The following TRMU variants were observed in gnomAD, a reference collection of about 807,000 sequenced individuals.
The protein encoded by TRMU is tRNA mitochondrial 2-thiouridylase, also known as mitochondrial tRNA-specific 2-thiouridylase 1.
In TRMU, 49 loss-of-function variants were observed where a neutral mutation model predicts 46.9. The ratio of observed to expected loss-of-function variants is 1.05; its 90% CI spans 0.83 to 1.33. TRMU has a LOEUF of 1.33. TRMU is among the 40% of genes most tolerant of loss of function. The pLI is 0.00. For synonymous variants in TRMU, 241 were observed against 200.9 expected, an observed-to-expected ratio of 1.20 and a Z score of -1.69; for missense variants, 572 against 532.4, an observed-to-expected ratio of 1.07 and a Z score of -0.73.
chr22:46,355,917 C>T (rs1344633188), intron 9 of TRMU, 73 bp from the exon 10 acceptor site: 1 of 1,566,276 alleles, frequency 6.4e-7, no homozygotes, highest in Non-Finnish European at 8.8e-7. Flanking sequence ...GCTGGTGCTC[C>T]TTTCTCCCTG....
At position 46,338,427 on chromosome 22, in the gene TRMU, A is replaced by G. The variant is rs530650614; in HGVS notation, c.248+483A>G. Among the ~76,000 whole-genome samples, 5 of 152,396 alleles carry G rather than the reference A, an allele frequency of 3.3e-5. No homozygotes were observed. Among genetic ancestry groups the G allele is most frequent in the South Asian group, 2.1e-4 (1 of 4,834 alleles). ...GTGCTGTGTGCTAGGCGTGTGCCAC[A>G]TCTAGGAACATTAAGATGTCTTCAC... On this transcript the variant is annotated intron_variant, in intron 2 of 10. Coordinates refer to ENST00000645190, the MANE Select transcript of TRMU (RefSeq NM_018006.5). This position sits in a 1 kb window ranked among gnomAD's most constrained non-coding sequence, Gnocchi z 4.5.
chr22:46,335,941 C>T, intron 1 of TRMU, 95 bp downstream of exon 1: 5 of 1,495,362 alleles, frequency 3.3e-6, no homozygotes, highest in Non-Finnish European at 4.4e-6. Flanking sequence ...TCCTCCCTCC[C>T]TGGGCCGCTG....
In TRMU at chr22:46,342,331, G is replaced by A. The variant is rs2078143100; in HGVS notation, c.249-931G>A. 6.6e-6 allele frequency among the ~76,000 whole-genome samples: 1 copy of A among 152,208 alleles called. No homozygotes were observed. On this transcript the variant is annotated intron_variant, in intron 2 of 10. Transcript: ENST00000645190. The surrounding 1 kb of genome is among the most constrained non-coding windows in gnomAD (Gnocchi z 4.7). Reference sequence around the variant, plus strand: ...GGATGTTGCAAAGGATACAGATGAAGAGACGGGTTGGGTGAGGTATGGGGA... The same window carrying A: ...GGATGTTGCAAAGGATACAGATGAAAAGACGGGTTGGGTGAGGTATGGGGA...
In TRMU at chr22:46,352,347, G is replaced by A; in HGVS notation, c.772+17G>A. The A allele has an allele frequency of 6.2e-7, 1 of 1,613,774 alleles. No homozygotes were observed. The highest frequency in any genetic ancestry group is 2.2e-5 in the East Asian group (1 of 44,880). ...CACATAAAGGTGAGGTGCAGACTCT[G>A]CCACTTGTCATCTGAAATGCCTAGA... On this transcript the variant is annotated intron_variant, in intron 7 of 10. Transcript: ENST00000645190.
rs535372995 is a variant in TRMU, at chr22:46,348,199, A to C, written c.478+1655A>C. Among the ~76,000 whole-genome samples the C allele has an allele frequency of 3.7e-4, 56 of 152,258 alleles. 1 individual carries two copies. Among genetic ancestry groups the C allele is most frequent in the African/African-American group, 1.3e-3 (54 of 41,566 alleles). Reference sequence around the variant, plus strand: ...CGGGGCCTGAGGAGATGGAGGGTTAATTTCCATGTTGAATAGATGCGCCTG... The same window carrying C: ...CGGGGCCTGAGGAGATGGAGGGTTACTTTCCATGTTGAATAGATGCGCCTG... On this transcript the variant is annotated intron_variant, in intron 4 of 10. Coordinates refer to ENST00000645190, the MANE Select transcript of TRMU (RefSeq NM_018006.5). This position sits in a 1 kb window ranked among gnomAD's most constrained non-coding sequence, Gnocchi z 4.8.
At chr22:46,345,330 C>T (rs779405179) in intron 3 of TRMU, among the ~76,000 whole-genome samples, 1 of 152,160 alleles carries the variant, frequency 6.6e-6, no homozygotes, top group African/African-American at 2.4e-5. Context: ...ACATCGGCCT[C>T]CTAAAAGTGC....
chr22:46,355,860 C>A, intron 9 of TRMU, 130 bp from the exon 10 acceptor site: 3 of 1,133,296 alleles, frequency 2.6e-6, no homozygotes, highest in Non-Finnish European at 3.8e-6. Flanking sequence ...AGGGCCCAGG[C>A]TGGTGCCCTG....
intron 2 of TRMU, among the ~76,000 whole-genome samples, chr22:46,341,205 C>G (rs12159490): frequency 0.058 from 8,824 of 152,262 alleles, 854 homozygotes; most frequent in African/African-American, 0.2. Context: ...CTGCTGTTTA[C>G]GAAAGGGTTA....
chr22:46,343,185 A>C (rs571192389), intron 2 of TRMU, 77 bp from the exon 3 acceptor site: 6 of 1,044,446 alleles, frequency 5.7e-6, no homozygotes, highest in South Asian at 5.6e-5. Flanking sequence ...ACATTAAACA[A>C]GCAATTTAGT....
intron 3 of TRMU, among the ~76,000 whole-genome samples, chr22:46,345,565 T>C (rs2078231062): frequency 6.6e-6 from 1 of 152,148 alleles, no homozygotes; most frequent in Non-Finnish European, 1.5e-5. Context: ...ACTCTCAGAA[T>C]CAAAGGAATA....
Position 46,342,447 on chromosome 22 carries a change from C to T in TRMU, c.249-815C>T, listed in dbSNP as rs948631563. ...GTGCAGAAGCTCTCTGAACCCAGTA[C>T]TCCTGGGTTTTTATGGAGGCTTCAT... On this transcript the variant is annotated intron_variant, in intron 2 of 10. Transcript: ENST00000645190. This position sits in a 1 kb window ranked among gnomAD's most constrained non-coding sequence, Gnocchi z 4.7. Among the ~76,000 whole-genome samples, 1 of 152,190 alleles carries T rather than the reference C, an allele frequency of 6.6e-6. No homozygotes were observed. Among genetic ancestry groups the T allele is most frequent in the Non-Finnish European group, 1.5e-5 (1 of 68,042 alleles).
chr22:46,338,972 C>A lies in TRMU; in HGVS notation c.248+1028C>A, dbSNP rs2078050998. 6.6e-6 allele frequency among the ~76,000 whole-genome samples: 1 copy of A among 152,058 alleles called. No individual in the cohort carries two copies. Among genetic ancestry groups the A allele is most frequent in the Admixed American group, 6.5e-5 (1 of 15,268 alleles). On this transcript the variant is annotated intron_variant, in intron 2 of 10. Coordinates refer to ENST00000645190, the MANE Select transcript of TRMU (RefSeq NM_018006.5). The surrounding 1 kb of genome is among the most constrained non-coding windows in gnomAD (Gnocchi z 4.5). ...TTTGTTTTTTTAATTGAAAAAAATT[C>A]TCTTTTTTTCCTGCCAACAAAGACC...
chr22:46,345,541 A>G (rs1297930084), intron 3 of TRMU, among the ~76,000 whole-genome samples: 1 of 152,180 alleles, frequency 6.6e-6, no homozygotes, highest in East Asian at 1.9e-4. Context: ...AGGAGAAACG[A>G]CACCTATAAT....
chr22:46,355,911 G>T (rs990319065), intron 9 of TRMU, 79 bp from the exon 10 acceptor site: 1 of 1,532,512 alleles, frequency 6.5e-7, no homozygotes, highest in South Asian at 1.1e-5. Flanking sequence ...CCGTGGGCTG[G>T]TGCTCCTTTC....
chr22:46,343,177 A>G (rs2078166450), intron 2 of TRMU, 85 bp from the exon 3 acceptor site: 1 of 981,234 alleles, frequency 1.0e-6, no homozygotes, highest in South Asian at 1.4e-5. Flanking sequence ...GGGAAATTAC[A>G]TTAAACAAGC....
In TRMU at chr22:46,347,019, G is replaced by A. The variant is rs984199578; in HGVS notation, c.478+475G>A. 3.3e-5 allele frequency among the ~76,000 whole-genome samples: 5 copies of A among 152,246 alleles called. No individual in the cohort carries two copies. The highest frequency in any genetic ancestry group is 6.5e-5 in the Admixed American group (1 of 15,292). Reference sequence around the variant, plus strand: ...TCAGGCTTTGTAGCCGTATTTACACGTTAGTTTATGCGTGTTAGGGAGCCA... The same window carrying A: ...TCAGGCTTTGTAGCCGTATTTACACATTAGTTTATGCGTGTTAGGGAGCCA... On this transcript the variant is annotated intron_variant, in intron 4 of 10. Transcript: ENST00000645190. The surrounding 1 kb of genome is among the most constrained non-coding windows in gnomAD (Gnocchi z 5.0).
At chr22:46,343,503 A>C (rs2078177100) in intron 3 of TRMU, 135 bp downstream of exon 3, 2 of 702,786 alleles carry the variant, frequency 2.8e-6, no homozygotes, top group Admixed American at 4.7e-5. Flanking sequence ...CTCCCACCCC[A>C]GGCTCCTGAG....
At position 46,336,449 on chromosome 22, in the gene TRMU, A is replaced by G. The variant is rs2077980668; in HGVS notation, c.82+603A>G. The G allele has an allele frequency of 6.6e-6, 1 of 152,384 alleles. No homozygotes were observed. Among genetic ancestry groups the G allele is most frequent in the African/African-American group, 2.4e-5 (1 of 41,430 alleles). The allele number at this position is 152,384 out of a possible 1,614,324, so 9.4% of individuals were successfully genotyped here. A position where few individuals can be genotyped will look rare whatever the true frequency, so the allele number is the denominator to read the frequency against. On this transcript the variant is annotated intron_variant, in intron 1 of 10. Coordinates refer to ENST00000645190, the MANE Select transcript of TRMU (RefSeq NM_018006.5). This position sits in a 1 kb window ranked among gnomAD's most constrained non-coding sequence, Gnocchi z 4.1. ...ATTCCTCGGGCCCGGCGCTGAAATG[A>G]GCACTTGTTTAACTTCACCTGTGTG... is the stretch of plus-strand genomic sequence containing the variant.
rs1031379583 is a variant in TRMU, at chr22:46,351,584, G to A, written c.652-537G>A. 1.5e-5 allele frequency: 3 copies of A among 195,654 alleles called. No homozygotes were observed. The highest frequency in any genetic ancestry group is 1.0e-4 in the South Asian group (1 of 9,574). The allele number at this position is 195,654 out of a possible 1,614,324, so 12.1% of individuals were successfully genotyped here. A position where few individuals can be genotyped will look rare whatever the true frequency, so the allele number is the denominator to read the frequency against. ...CCGGTGTCGCTCTGTGGTGGGAGCCGCAGGGATGGAAGGGCAGTCTTGAGA... is the reference window on the plus strand; with the variant it reads ...CCGGTGTCGCTCTGTGGTGGGAGCCACAGGGATGGAAGGGCAGTCTTGAGA... On this transcript the variant is annotated intron_variant, in intron 5 of 10. Coordinates refer to ENST00000645190, the MANE Select transcript of TRMU (RefSeq NM_018006.5). This position sits in a 1 kb window ranked among gnomAD's most constrained non-coding sequence, Gnocchi z 6.4.
Sources: allele counts gnomAD v4.1 joint callset (sites outside exome capture counted in the v4.1 genomes callset), GRCh38; gene constraint gnomAD v4.1.1; non-coding constraint Gnocchi (gnomAD v3.1); transcripts MANE v1.5; gene names NCBI Gene and HGNC (gene_info 2026-07-23, HGNC 2026-07-21).